The following TRPC4AP variants were observed in gnomAD, a reference collection of about 807,000 sequenced individuals.
TRPC4AP encodes the protein transient receptor potential cation channel subfamily C member 4 associated protein, also known as short transient receptor potential channel 4-associated protein.
A neutral mutation model predicts 99.0 loss-of-function variants in TRPC4AP; 45 were observed. That is an observed-to-expected ratio of 0.45 (90% confidence interval 0.36 to 0.58). TRPC4AP has a LOEUF of 0.58. TRPC4AP is among the 20% of genes least tolerant of loss of function. The pLI, the probability that TRPC4AP is intolerant of heterozygous loss-of-function variation, is 0.00. For missense variants in TRPC4AP, 879 were observed against 985.3 expected (o/e 0.89, Z 1.44); for synonymous variants, 408 against 385.8 (o/e 1.06, Z -0.67).
chr20:35,006,710 T>A, intron 14 of TRPC4AP, 135 bp from the exon 15 acceptor site: 1 of 1,210,276 alleles, frequency 8.3e-7, no homozygotes, highest in Non-Finnish European at 1.1e-6. Flanking sequence ...GATTCTTGTC[T>A]GAGGATGCTG....
chr20:35,031,408 T>TC (rs2083191984), intron 8 of TRPC4AP, among the ~76,000 whole-genome samples: 1 of 127,956 alleles, frequency 7.8e-6, no homozygotes, highest in East Asian at 2.4e-4. Flanking sequence ...TTTTTTTTTT[T>TC]TTTTTTTCAA....
intron 7 of TRPC4AP, among the ~76,000 whole-genome samples, chr20:35,042,657 G>C (rs1272959885): frequency 6.6e-6 from 1 of 152,066 alleles, no homozygotes; most frequent in Non-Finnish European, 1.5e-5. Flanking sequence ...TGAAAAACTA[G>C]CTTTTAAGAC....
chr20:35,006,494 T>A lies in TRPC4AP; in HGVS notation c.1768A>T (p.Met590Leu). ...QSYFDLLGEL[M>L]KFNVDAFKRF... ...TTGAATGCATCAACGTTGAACTTCATCAGCTCCCCCAGGAGGTCAAAGTAA... is the reference window on the plus strand; with the variant it reads ...TTGAATGCATCAACGTTGAACTTCAACAGCTCCCCCAGGAGGTCAAAGTAA... The change falls in exon 15 of 19, where the codon ATG (methionine) becomes TTG (leucine). Residue 590 changes from methionine to leucine, a missense_variant. By Grantham distance (15) the Met-to-Leu change is conservative. This residue lies in a region of TRPC4AP where 52 missense variants were observed against 88.7 expected (regional missense o/e 0.59). Transcript: ENST00000252015. 1 of 1,614,208 alleles carries A rather than the reference T, an allele frequency of 6.2e-7. No homozygotes were observed. Among genetic ancestry groups the A allele is most frequent in the Non-Finnish European group, 8.5e-7 (1 of 1,180,038 alleles).
At chr20:35,067,609 G>C (rs2084177459) in intron 3 of TRPC4AP, among the ~76,000 whole-genome samples, 1 of 152,148 alleles carries the variant, frequency 6.6e-6, no homozygotes, top group African/African-American at 2.4e-5. Context: ...AAAAGACGGA[G>C]GCAATCCAAA....
At chr20:35,035,335 A>G (rs768054859) in intron 7 of TRPC4AP, 27 bp from the exon 8 acceptor site, 1 of 1,604,792 alleles carries the variant, frequency 6.2e-7, no homozygotes, top group Non-Finnish European at 8.5e-7. Flanking sequence ...AAGCGAGGAA[A>G]TTTTCAAAAT....
intron 1 of TRPC4AP, among the ~76,000 whole-genome samples, chr20:35,081,525 GAAAATAAAATAAAATA>G (rs927239414): frequency 5.3e-5 from 8 of 149,694 alleles, no homozygotes; most frequent in Admixed American, 1.3e-4. Context: ...AAAATAAATA[GAAAATAAAATAAAATA>G]AAAATAAAAT....
At chr20:35,039,103 G>T (rs929401918) in intron 7 of TRPC4AP, among the ~76,000 whole-genome samples, 3 of 152,190 alleles carry the variant, frequency 2.0e-5, no homozygotes, top group Non-Finnish European at 2.9e-5. Flanking sequence ...AAACAAAAAA[G>T]AAATAAAAAG....
intron 3 of TRPC4AP, among the ~76,000 whole-genome samples, chr20:35,059,868 GAAGAA>G (rs1259778699): frequency 2.6e-5 from 4 of 150,974 alleles, no homozygotes; most frequent in African/African-American, 7.3e-5. Context: ...AAGAAAAGAT[GAAGAA>G]AAGACGAAGA....
chr20:35,008,570 G>A, intron 13 of TRPC4AP, 94 bp downstream of exon 13: 2 of 1,065,394 alleles, frequency 1.9e-6, no homozygotes, highest in Non-Finnish European at 1.4e-6. Flanking sequence ...AGGAGGCATG[G>A]ACGCTGGTGA....
In TRPC4AP at chr20:35,044,647, C is replaced by A; in HGVS notation, c.723G>T (p.Gln241His). Residue 241 changes from glutamine to histidine, a missense_variant, in exon 7 of 19, where the codon CAG (glutamine) becomes CAT (histidine). Around this residue, in one of 3 missense-constraint regions of TRPC4AP, gnomAD observed 603 missense variants for 631.8 expected, o/e 0.95. Coordinates refer to ENST00000252015, the MANE Select transcript of TRPC4AP (RefSeq NM_015638.3). Reference sequence around the variant, plus strand: ...CCAGAATCCGGCAGAAATTAGCGAGCTGCTGCTGATCGAAATTGGATACTA... The same window carrying A: ...CCAGAATCCGGCAGAAATTAGCGAGATGCTGCTGATCGAAATTGGATACTA... ...SSLVSNFDQQ[Q>H]LANFCRILAV... is the part of the protein sequence containing the mutation. 6.2e-7 allele frequency: 1 copy of A among 1,614,158 alleles called. No homozygotes were observed. The highest frequency in any genetic ancestry group is 8.5e-7 in the Non-Finnish European group (1 of 1,180,034).
intron 5 of TRPC4AP, among the ~76,000 whole-genome samples, chr20:35,053,049 T>C (rs1389784100): frequency 6.6e-6 from 1 of 152,170 alleles, no homozygotes; most frequent in Admixed American, 6.5e-5. Context: ...AAAATTTTAT[T>C]TAAAAATACT....
chr20:35,044,795 T>C, intron 6 of TRPC4AP, 83 bp from the exon 7 acceptor site: 4 of 1,378,254 alleles, frequency 2.9e-6, no homozygotes, highest in Non-Finnish European at 4.1e-6. Context: ...TCCCCTTACA[T>C]ACGGGGCTTA....
intron 5 of TRPC4AP, among the ~76,000 whole-genome samples, 188 bp from the exon 6 acceptor site, chr20:35,050,182 T>G (rs2083660992): frequency 2.0e-5 from 3 of 152,176 alleles, no homozygotes; most frequent in Admixed American, 2.0e-4. Flanking sequence ...GAAAAAAGTC[T>G]CCTGACGTGC....
At chr20:35,038,412 C>A (rs368412846) in intron 7 of TRPC4AP, among the ~76,000 whole-genome samples, 5 of 151,724 alleles carry the variant, frequency 3.3e-5, no homozygotes, top group Non-Finnish European at 7.4e-5. Context: ...TCAACACTTA[C>A]CAATTTCCAT....
intron 8 of TRPC4AP, among the ~76,000 whole-genome samples, chr20:35,027,224 G>A (rs1385757792): frequency 6.6e-6 from 1 of 152,158 alleles, no homozygotes; most frequent in African/African-American, 2.4e-5. Flanking sequence ...ACAGGCTGAG[G>A]AAGTTCTCTC....
At chr20:35,014,822 C>T (rs957958257) in intron 10 of TRPC4AP, among the ~76,000 whole-genome samples, 5 of 152,016 alleles carry the variant, frequency 3.3e-5, no homozygotes, top group Admixed American at 2.6e-4. Context: ...GCCGACTAGC[C>T]GGGGGGCCAA....
intron 1 of TRPC4AP, among the ~76,000 whole-genome samples, chr20:35,078,991 G>C (rs112438364): frequency 6.6e-6 from 1 of 152,118 alleles, no homozygotes; most frequent in Non-Finnish European, 1.5e-5. Flanking sequence ...GCTTGAACTC[G>C]GGAGGCAGAG....
intron 3 of TRPC4AP, among the ~76,000 whole-genome samples, chr20:35,061,206 C>CA (rs953333545): frequency 7.3e-5 from 11 of 150,818 alleles, no homozygotes; most frequent in East Asian, 3.9e-4. Context: ...TAGCAAGAAG[C>CA]AAAAAAAACT....
Position 35,002,507 on chromosome 20 carries a change from G to C in TRPC4AP, c.*639C>G, listed in dbSNP as rs980501404. The C allele has an allele frequency of 1.5e-5, 4 of 268,732 alleles. No homozygotes were observed. The highest frequency in any genetic ancestry group is 6.6e-5 in the African/African-American group (3 of 45,370). The allele number at this position is 268,732 out of a possible 1,614,324, so 16.6% of individuals were successfully genotyped here. A position where few individuals can be genotyped will look rare whatever the true frequency, so the allele number is the denominator to read the frequency against. ...GGGCCCCATGTCCAGGCTCAGGCAG[G>C]AGCGGCTGCCTCAGGCAGAGGCAGG... is the stretch of plus-strand genomic sequence containing the variant. On this transcript the variant is annotated 3_prime_UTR_variant, in exon 19 of 19. Transcript: ENST00000252015.
Sources: allele counts gnomAD v4.1 joint callset (sites outside exome capture counted in the v4.1 genomes callset), GRCh38; gene constraint gnomAD v4.1.1; regional missense constraint gnomAD v4.1.1; transcripts MANE v1.5; gene names NCBI Gene and HGNC (gene_info 2026-07-23, HGNC 2026-07-21).